ABCA13: variants seen among roughly 807,000 people sequenced by gnomAD.
ABCA13 encodes the protein ATP-binding cassette sub-family A member 13.
Under a neutral mutation model 478.7 loss-of-function variants are expected in ABCA13, and 476 were observed. The ratio of observed to expected loss-of-function variants is 0.99; its 90% CI spans 0.92 to 1.07. The LOEUF is 1.07. ABCA13 is among the 50% of genes least tolerant of loss of function. The pLI is 0.00. For synonymous variants in ABCA13, 2,252 were observed against 2,158.9 expected (o/e 1.04, Z -1.20); for missense variants, 6,060 against 5,910.6 (o/e 1.03, Z -0.83).
chr7:48,630,772 A>G (rs1247288369), intron 59 of ABCA13, among the ~76,000 whole-genome samples: 1 of 151,060 alleles, frequency 6.6e-6, no homozygotes, highest in Non-Finnish European at 1.5e-5. Context: ...ATTCCCACCA[A>G]CAGTGGATAG....
intron 45 of ABCA13, among the ~76,000 whole-genome samples, chr7:48,473,364 G>A (rs1827723701): frequency 6.6e-6 from 1 of 152,164 alleles, no homozygotes. Context: ...TGTGCTCACT[G>A]GGGCCCACTG....
intron 15 of ABCA13, among the ~76,000 whole-genome samples, chr7:48,260,404 A>C (rs958024399): frequency 3.9e-5 from 6 of 152,094 alleles, no homozygotes; most frequent in African/African-American, 1.4e-4. Context: ...CTGTGGCTAA[A>C]CTAATTTACG....
At chr7:48,392,285 A>T (rs1248493829) in intron 38 of ABCA13, 146 bp downstream of exon 38, 3 of 782,520 alleles carry the variant, frequency 3.8e-6, no homozygotes, top group African/African-American at 3.5e-5. Context: ...CTATGGAATT[A>T]TGACACAGCC....
intron 55 of ABCA13, among the ~76,000 whole-genome samples, chr7:48,529,216 T>G (rs1224105100): frequency 6.6e-6 from 1 of 152,230 alleles, no homozygotes; most frequent in Non-Finnish European, 1.5e-5. Context: ...ATTTGCTCTT[T>G]GATTTGTGTG....
chr7:48,495,151 A>C (rs1335586569), intron 48 of ABCA13, among the ~76,000 whole-genome samples: 1 of 152,214 alleles, frequency 6.6e-6, no homozygotes. Flanking sequence ...TGATTGATGC[A>C]CAAATTTGAT....
chr7:48,641,944 C>T (rs1391364349), intron 59 of ABCA13, among the ~76,000 whole-genome samples: 1 of 152,164 alleles, frequency 6.6e-6, no homozygotes. Flanking sequence ...AGAATATATA[C>T]CTCTTGTACC....
chr7:48,403,953 T>G, intron 39 of ABCA13, 74 bp downstream of exon 39: 5 of 1,496,572 alleles, frequency 3.3e-6, no homozygotes, highest in Non-Finnish European at 4.6e-6. Context: ...TACTGTACAG[T>G]AGAATCAAGT....
intron 42 of ABCA13, among the ~76,000 whole-genome samples, chr7:48,453,638 C>T (rs1216193857): frequency 2.0e-5 from 3 of 152,208 alleles, no homozygotes; most frequent in Non-Finnish European, 4.4e-5. Context: ...TAGACTTCCA[C>T]ATTTTCTTGT....
chr7:48,315,863 A>C (rs905426142), intron 26 of ABCA13, among the ~76,000 whole-genome samples: 3 of 152,100 alleles, frequency 2.0e-5, no homozygotes, highest in African/African-American at 7.2e-5. Flanking sequence ...TTCAAATGGG[A>C]AGTTTGGGAA....
At chr7:48,177,544 T>C (rs1327876452) in intron 1 of ABCA13, among the ~76,000 whole-genome samples, 1 of 152,152 alleles carries the variant, frequency 6.6e-6, no homozygotes, top group African/African-American at 2.4e-5. Flanking sequence ...CGGGACAAGA[T>C]TGGCAGTGAG....
intron 11 of ABCA13, 126 bp downstream of exon 11, chr7:48,244,829 C>A: frequency 8.5e-7 from 1 of 1,171,744 alleles, no homozygotes; most frequent in Non-Finnish European, 1.2e-6. Context: ...GTGTCATATG[C>A]ATATTTATGC....
At chr7:48,509,169 T>C (rs1585644703) in intron 50 of ABCA13, among the ~76,000 whole-genome samples, 1 of 152,196 alleles carries the variant, frequency 6.6e-6, no homozygotes, top group East Asian at 1.9e-4. Context: ...TTAACCAAGA[T>C]TGACAAATTC....
At chr7:48,230,015 A>G in intron 7 of ABCA13, 60 bp downstream of exon 7, 1 of 1,541,206 alleles carries the variant, frequency 6.5e-7, no homozygotes. Context: ...AAATTCATTG[A>G]CAGTTGACAT....
intron 55 of ABCA13, among the ~76,000 whole-genome samples, chr7:48,575,058 C>T (rs1788034101): frequency 7.8e-6 from 1 of 128,774 alleles, no homozygotes; most frequent in Non-Finnish European, 1.7e-5. Context: ...TTCCAGTAGA[C>T]ATTTTTTTTT....
In ABCA13 at chr7:48,172,454, T is replaced by C. The variant is rs143266094; in HGVS notation, c.69+902T>C. On this transcript the variant is annotated intron_variant, in intron 1 of 61. Transcript: ENST00000435803. ...CAAGTTAAAGGAGATGTTTTCTTTTTTATGTGATCTTTAGGATCAAAATAA... is the reference window on the plus strand; with the variant it reads ...CAAGTTAAAGGAGATGTTTTCTTTTCTATGTGATCTTTAGGATCAAAATAA... Among the ~76,000 whole-genome samples, 780 of 152,316 alleles carry C rather than the reference T, an allele frequency of 5.1e-3. 3 individuals are homozygous for C. The highest frequency in any genetic ancestry group is 0.018 in the African/African-American group (740 of 41,556).
intron 3 of ABCA13, among the ~76,000 whole-genome samples, chr7:48,208,125 TTCTCTGTTCTGTTCCATTGG>T (rs1384987084): frequency 6.6e-6 from 1 of 152,050 alleles, no homozygotes; most frequent in Non-Finnish European, 1.5e-5. Flanking sequence ...TATTTCTGGG[TTCTCTGTTCTGTTCCATTGG>T]TCTATGTGTC....
intron 32 of ABCA13, among the ~76,000 whole-genome samples, chr7:48,368,183 C>G (rs1306518795): frequency 1.3e-5 from 2 of 152,108 alleles, no homozygotes; most frequent in Non-Finnish European, 2.9e-5. Flanking sequence ...CATTCAGCAA[C>G]TTTTTTAAAA....
chr7:48,483,394 G>C (rs1253415345), intron 47 of ABCA13, among the ~76,000 whole-genome samples: 1 of 152,162 alleles, frequency 6.6e-6, no homozygotes, highest in Non-Finnish European at 1.5e-5. Flanking sequence ...ACTTCACCTA[G>C]TAAATATAAA....
intron 48 of ABCA13, among the ~76,000 whole-genome samples, chr7:48,490,787 A>G (rs1563343246): frequency 6.6e-6 from 1 of 152,198 alleles, no homozygotes; most frequent in East Asian, 1.9e-4. Context: ...AAGAGTATGG[A>G]CTTTAGTAAG....
Sources: gnomAD v4.1 joint callset for allele counts (sites outside exome capture counted in the v4.1 genomes callset) on GRCh38, gnomAD v4.1.1 for gene constraint, MANE v1.5 for transcripts, NCBI Gene and HGNC (gene_info 2026-07-23, HGNC 2026-07-21) for gene names.